Variants in KNTC1 observed in about 807,000 individuals in gnomAD.
The protein encoded by KNTC1 is kinetochore-associated protein 1.
Under a neutral mutation model 314.4 loss-of-function variants are expected in KNTC1, and 253 were observed. The ratio of observed to expected loss-of-function variants is 0.80; its 90% CI spans 0.73 to 0.89. The LOEUF is 0.89. Ranked by LOEUF, KNTC1 falls within the 40% of genes least tolerant of loss-of-function variation. KNTC1 has a pLI of 0.00. For missense variants in KNTC1, 2,475 were observed against 2,572.9 expected, an observed-to-expected ratio of 0.96 and a Z score of 0.82; for synonymous variants, 901 against 901.4, an observed-to-expected ratio of 1.00 and a Z score of 0.01.
intron 18 of KNTC1, among the ~76,000 whole-genome samples, chr12:122,560,379 G>GT: frequency 6.6e-6 from 1 of 151,922 alleles, no homozygotes; most frequent in African/African-American, 2.4e-5. Context: ...TGCTAATTCT[G>GT]TTTTTTTGAG....
intron 5 of KNTC1, among the ~76,000 whole-genome samples, chr12:122,540,796 A>G (rs937275693): frequency 6.6e-6 from 1 of 152,328 alleles, no homozygotes; most frequent in East Asian, 1.9e-4. Flanking sequence ...AAAGAAGTTA[A>G]CAATGTTTTT....
In KNTC1 at chr12:122,622,612, G is replaced by C. The variant is rs1039907877; in HGVS notation, c.6515+5G>C. On this transcript the variant is annotated splice_donor_5th_base_variant and intron_variant, in intron 62 of 63. Transcript: ENST00000333479. ...CTATTTGGCAAATGACTTAAGGTAA[G>C]TTAATTAAAAAAAAAAAAACTTACT... The C allele has an allele frequency of 2.7e-6, 4 of 1,475,884 alleles. No homozygotes were observed. Among genetic ancestry groups the C allele is most frequent in the African/African-American group, 1.5e-5 (1 of 68,178 alleles). 91.4% of individuals were successfully genotyped at this position (1,475,884 alleles called of 1,614,324 possible). A position where few individuals can be genotyped will look rare whatever the true frequency, so the allele number is the denominator to read the frequency against.
intron 57 of KNTC1, among the ~76,000 whole-genome samples, chr12:122,616,718 C>A (rs1380451905): frequency 6.6e-6 from 1 of 152,134 alleles, no homozygotes; most frequent in Non-Finnish European, 1.5e-5. Flanking sequence ...ACATGTAGAT[C>A]TATCTAATTG....
At chr12:122,585,816 T>G in intron 37 of KNTC1, 42 bp downstream of exon 37, 8 of 1,592,572 alleles carry the variant, frequency 5.0e-6, no homozygotes, top group Non-Finnish European at 6.9e-6. Flanking sequence ...TGTTTCTGTC[T>G]TATGTAAATT....
chr12:122,597,639 A>G (rs1420282337), intron 43 of KNTC1, 92 bp from the exon 44 acceptor site: 1 of 1,016,148 alleles, frequency 9.8e-7, no homozygotes, highest in Non-Finnish European at 1.5e-6. Flanking sequence ...AAATTTCAAC[A>G]ATGGAAGCAT....
At chr12:122,566,302 C>T (rs7294934) in intron 20 of KNTC1, among the ~76,000 whole-genome samples, 1,581 of 150,542 alleles carry the variant, frequency 0.011, 29 homozygotes, top group African/African-American at 0.037. Context: ...GGCTCGAGTG[C>T]GGTGGCTCGA....
chr12:122,614,430 G>T (rs1368327658), intron 55 of KNTC1, among the ~76,000 whole-genome samples: 2 of 152,106 alleles, frequency 1.3e-5, no homozygotes, highest in Non-Finnish European at 2.9e-5. Flanking sequence ...GGGGCAGGAA[G>T]GTTTTTTGGT....
At chr12:122,611,126 T>C in intron 53 of KNTC1, 1 of 517,832 alleles carries the variant, frequency 1.9e-6, no homozygotes, top group Non-Finnish European at 3.4e-6. Context: ...GTGCACCTAT[T>C]GACAGTTTCC....
chr12:122,568,835 C>CA (rs571026678), intron 21 of KNTC1, among the ~76,000 whole-genome samples: 2,247 of 147,306 alleles, frequency 0.015, 30 homozygotes, highest in Non-Finnish European at 0.024. Context: ...GACTCCGTCC[C>CA]AAAAAAAAGA....
Position 122,557,686 on chromosome 12 carries a change from C to G in KNTC1, c.1485C>G (p.Thr495=). ...TTQEMLNYAK[T]RLLKKEDKTA... is the part of the protein sequence containing the mutation. Reference sequence around the variant, plus strand: ...AAGAGATGCTGAATTATGCCAAAACCAGGGTAGGTTCGTTTTTTTGTATTT... The same window carrying G: ...AAGAGATGCTGAATTATGCCAAAACGAGGGTAGGTTCGTTTTTTTGTATTT... The change falls in exon 18 of 64, where the codon ACC becomes ACG. Residue 495 remains threonine, a synonymous_variant. Transcript: ENST00000333479. The G allele has an allele frequency of 6.2e-7, 1 of 1,611,434 alleles. No individual in the cohort carries two copies. The highest frequency in any genetic ancestry group is 8.5e-7 in the Non-Finnish European group (1 of 1,178,614).
At chr12:122,554,449 A>T (rs775158891) in intron 16 of KNTC1, among the ~76,000 whole-genome samples, 112 of 152,256 alleles carry the variant, frequency 7.4e-4, no homozygotes, top group Middle Eastern at 3.4e-3. Flanking sequence ...TGGAATTAGT[A>T]CTAAATACAA....
intron 12 of KNTC1, among the ~76,000 whole-genome samples, chr12:122,548,464 C>T (rs1243240014): frequency 6.6e-6 from 1 of 152,054 alleles, no homozygotes; most frequent in African/African-American, 2.4e-5. Context: ...TGCCTCTCGG[C>T]CTCCCGTAGT....
intron 3 of KNTC1, among the ~76,000 whole-genome samples, chr12:122,537,057 G>A (rs1961894851): frequency 6.6e-6 from 1 of 152,160 alleles, no homozygotes; most frequent in South Asian, 2.1e-4. Flanking sequence ...AGACATTGTG[G>A]CGGAATAACT....
chr12:122,529,874 G>A (rs1340164852), intron 1 of KNTC1, 117 bp from the exon 2 acceptor site: 1 of 484,258 alleles, frequency 2.1e-6, no homozygotes, highest in East Asian at 3.7e-5. Context: ...GAAGTGTTTA[G>A]TGGCCACAGC....
chr12:122,556,291 T>C (rs1358083765), intron 16 of KNTC1, among the ~76,000 whole-genome samples: 1 of 151,928 alleles, frequency 6.6e-6, no homozygotes, highest in African/African-American at 2.4e-5. Context: ...ATGCAAGGAT[T>C]ACAGGTGTGC....
intron 55 of KNTC1, among the ~76,000 whole-genome samples, chr12:122,613,986 A>G (rs1192186934): frequency 6.6e-6 from 1 of 152,016 alleles, no homozygotes; most frequent in African/African-American, 2.4e-5. Flanking sequence ...CCCGCCCACC[A>G]CACCTGGCTA....
intron 12 of KNTC1, among the ~76,000 whole-genome samples, chr12:122,549,177 C>G (rs760114224): frequency 6.6e-6 from 1 of 151,370 alleles, no homozygotes; most frequent in African/African-American, 2.4e-5. Context: ...CTCAGCCTCC[C>G]AAGTAGCTGG....
At chr12:122,587,445 A>G (rs1305007645) in intron 38 of KNTC1, among the ~76,000 whole-genome samples, 2 of 152,216 alleles carry the variant, frequency 1.3e-5, no homozygotes, top group African/African-American at 4.8e-5. Context: ...GAATTTGTTT[A>G]TAAATTTTTA....
intron 6 of KNTC1, among the ~76,000 whole-genome samples, chr12:122,543,117 TGGCCA>T (rs1306656359): frequency 1.3e-5 from 2 of 152,148 alleles, no homozygotes; most frequent in African/African-American, 4.8e-5. Context: ...TTCACCATGT[TGGCCA>T]GGCTGGTCTC....
Sources: gnomAD v4.1 joint callset for allele counts (sites outside exome capture counted in the v4.1 genomes callset) on GRCh38, gnomAD v4.1.1 for gene constraint, MANE v1.5 for transcripts, NCBI Gene and HGNC (gene_info 2026-07-23, HGNC 2026-07-21) for gene names.